CAV3: variants seen among roughly 807,000 people sequenced by gnomAD.
CAV3 encodes caveolin-3.
In CAV3, 10 loss-of-function variants were observed where a neutral mutation model predicts 13.4. The observed-to-expected ratio is 0.75, with a 90% CI of 0.46 to 1.27. The LOEUF (loss-of-function observed/expected upper bound fraction) is 1.27. Among genes scored for constraint, CAV3 ranks in the 50% most tolerant of loss-of-function variants. The pLI is 0.00. For missense variants in CAV3, 162 were observed against 194.0 expected (o/e 0.83, Z 0.98); for synonymous variants, 90 against 79.0 (o/e 1.14, Z -0.74).
intron 1 of CAV3, among the ~76,000 whole-genome samples, chr3:8,741,053 T>C (rs1258216406): frequency 2.6e-5 from 4 of 152,270 alleles, no homozygotes; most frequent in African/African-American, 9.6e-5. Flanking sequence ...AGTTGTATTC[T>C]TTTGTTGCTA....
At chr3:8,741,743 T>C (rs1225939011) in intron 1 of CAV3, among the ~76,000 whole-genome samples, 1 of 152,142 alleles carries the variant, frequency 6.6e-6, no homozygotes, top group Non-Finnish European at 1.5e-5. Context: ...TGCAGGACTC[T>C]GGGGGAGGTA....
intron 1 of CAV3, among the ~76,000 whole-genome samples, chr3:8,735,130 G>C (rs1707706636): frequency 1.3e-5 from 2 of 152,160 alleles, no homozygotes; most frequent in Non-Finnish European, 2.9e-5. Context: ...CCTACTGAAA[G>C]CATTGGAATC....
intron 1 of CAV3, among the ~76,000 whole-genome samples, chr3:8,743,426 C>T (rs1159847480): frequency 6.6e-6 from 1 of 152,114 alleles, no homozygotes; most frequent in Non-Finnish European, 1.5e-5. Flanking sequence ...GGAAGCCCTC[C>T]AAGAAGAAGT....
intron 1 of CAV3, among the ~76,000 whole-genome samples, chr3:8,736,314 T>C (rs1422563231): frequency 6.6e-6 from 1 of 152,202 alleles, no homozygotes; most frequent in Admixed American, 6.5e-5. Context: ...AAAGCAGCAC[T>C]GTGCGTTAGA....
chr3:8,742,751 G>C (rs1708019292), intron 1 of CAV3: 1 of 298,460 alleles, frequency 3.4e-6, no homozygotes, highest in Non-Finnish European at 6.7e-6. Context: ...TGGATGGATG[G>C]ATGAAAGGAT....
rs1424751977 is a variant in CAV3, at chr3:8,745,077, G to C, written c.115-449G>C. On this transcript the variant is annotated intron_variant, in intron 1 of 1. Coordinates refer to ENST00000343849, the MANE Select transcript of CAV3 (RefSeq NM_033337.3). The surrounding 1 kb of genome is among the most constrained non-coding windows in gnomAD (Gnocchi z 4.8). ...AGGTGGGGCCGGGTGGGAGGTGATC[G>C]GATCACAGAGGCAGATCCCTCGTGG... 1 of 169,544 alleles carries C rather than the reference G, an allele frequency of 5.9e-6. No individual in the cohort carries two copies. The highest frequency in any genetic ancestry group is 1.3e-5 in the Non-Finnish European group (1 of 77,528). 10.5% of individuals were successfully genotyped at this position (169,544 alleles called of 1,614,324 possible). A position where few individuals can be genotyped will look rare whatever the true frequency, so the allele number is the denominator to read the frequency against.
Position 8,745,826 on chromosome 3 carries a change from G to A in CAV3, c.415G>A (p.Val139Ile). The change falls in exon 2 of 2, where the codon GTC (valine) becomes ATC (isoleucine). Residue 139 changes from valine (V) to isoleucine (I), a missense_variant. Transcript: ENST00000343849. The surrounding 1 kb of genome is among the most constrained non-coding windows in gnomAD (Gnocchi z 4.8). ...CNPLFAALGQVCSSIKVVLRK... is the reference protein window; with the variant it reads ...CNPLFAALGQICSSIKVVLRK... ...CCCACTCTTCGCGGCCCTGGGCCAG[G>A]TCTGCAGCAGCATCAAGGTGGTGCT... 3.1e-6 allele frequency: 5 copies of A among 1,613,702 alleles called. No individual in the cohort carries two copies. The highest frequency in any genetic ancestry group is 4.2e-6 in the Non-Finnish European group (5 of 1,180,032).
In CAV3 at chr3:8,746,076, C is replaced by T. The variant is rs1235784835; in HGVS notation, c.*209C>T. 3 of 560,712 alleles carry T rather than the reference C, an allele frequency of 5.4e-6. No homozygotes were observed. The highest frequency in any genetic ancestry group is 9.6e-6 in the Non-Finnish European group (3 of 313,578). The allele number at this position is 560,712 out of a possible 1,614,324, so 34.7% of individuals were successfully genotyped here. A position where few individuals can be genotyped will look rare whatever the true frequency, so the allele number is the denominator to read the frequency against. ...GCCCTTCGCTCTCCCCCAGCCCCAC[C>T]ATGATGCCCCCATGCCTGGGCGTGG... On this transcript the variant is annotated 3_prime_UTR_variant, in exon 2 of 2. Coordinates refer to ENST00000343849, the MANE Select transcript of CAV3 (RefSeq NM_033337.3).
At chr3:8,743,437 A>G (rs1179445087) in intron 1 of CAV3, among the ~76,000 whole-genome samples, 1 of 152,166 alleles carries the variant, frequency 6.6e-6, no homozygotes, top group Non-Finnish European at 1.5e-5. Context: ...AAGAAGAAGT[A>G]ACATCCTTCC....
At chr3:8,743,153 GA>G (rs1006312493) in intron 1 of CAV3, among the ~76,000 whole-genome samples, 22 of 152,252 alleles carry the variant, frequency 1.4e-4, no homozygotes, top group African/African-American at 5.3e-4. Context: ...CCGCCCCCAT[GA>G]CCCAAACACC....
intron 1 of CAV3, among the ~76,000 whole-genome samples, chr3:8,735,279 T>C (rs750173275): frequency 2.0e-5 from 3 of 152,216 alleles, no homozygotes; most frequent in Non-Finnish European, 2.9e-5. Flanking sequence ...ATATCTAAAA[T>C]AGTATTATTT....
intron 1 of CAV3, among the ~76,000 whole-genome samples, chr3:8,737,884 A>G (rs1227435089): frequency 6.6e-6 from 1 of 151,930 alleles, no homozygotes; most frequent in Non-Finnish European, 1.5e-5. Context: ...TCCTAGCCCC[A>G]CTACAGGTAT....
intron 1 of CAV3, among the ~76,000 whole-genome samples, chr3:8,744,000 GACTA>G (rs1464065607): frequency 1.3e-5 from 2 of 152,100 alleles, no homozygotes; most frequent in South Asian, 2.1e-4. Context: ...GCGGGAAAGG[GACTA>G]ACTAACCAGG....
chr3:8,736,129 A>G (rs1275634582), intron 1 of CAV3, among the ~76,000 whole-genome samples: 1 of 152,252 alleles, frequency 6.6e-6, no homozygotes, highest in Admixed American at 6.5e-5. Flanking sequence ...CATCAGTGTC[A>G]TCTAGCAGGA....
chr3:8,745,598 A>G lies in CAV3; in HGVS notation c.187A>G (p.Thr63Ala), dbSNP rs116840798. Residue 63 changes from threonine to alanine, a missense_variant, in exon 2 of 2, where the codon ACC (threonine) becomes GCC (alanine). Physicochemically the swap from Thr to Ala is moderately conservative, Grantham distance 58. Coordinates refer to ENST00000343849, the MANE Select transcript of CAV3 (RefSeq NM_033337.3). The surrounding 1 kb of genome is among the most constrained non-coding windows in gnomAD (Gnocchi z 4.8). ...TGACGGCGTGTGGAAGGTGAGCTACACCACCTTCACTGTCTCCAAGTACTG... is the reference window on the plus strand; with the variant it reads ...TGACGGCGTGTGGAAGGTGAGCTACGCCACCTTCACTGTCTCCAAGTACTG... The part of the protein sequence containing the change: ...SFDGVWKVSY[T>A]TFTVSKYWCY... 2 of 1,613,988 alleles carry G rather than the reference A, an allele frequency of 1.2e-6. No individual in the cohort carries two copies. Among genetic ancestry groups the G allele is most frequent in the South Asian group, 1.1e-5 (1 of 91,070 alleles).
Position 8,744,275 on chromosome 3 carries a change from A to ATTTTTT in CAV3, c.115-1235_115-1230dup, listed in dbSNP as rs35889837. On this transcript the variant is annotated intron_variant, in intron 1 of 1. Coordinates refer to ENST00000343849, the MANE Select transcript of CAV3 (RefSeq NM_033337.3). ...CACTGCTGTTTAATTGACCAGTGGA[A>ATTTTTT]TTTTTTTTTTTTTTTTTTTTTGAGA... 8.4e-4 allele frequency among the ~76,000 whole-genome samples: 102 copies of ATTTTTT among 120,840 alleles called. 1 individual carries two copies. The highest frequency in any genetic ancestry group is 3.4e-3 in the African/African-American group (94 of 27,984). 79.3% of individuals were successfully genotyped at this position (120,840 alleles called of 152,430 possible).
chr3:8,742,757 A>G (rs1338343557), intron 1 of CAV3, among the ~76,000 whole-genome samples: 1 of 152,120 alleles, frequency 6.6e-6, no homozygotes, highest in Non-Finnish European at 1.5e-5. Context: ...GATGGATGAA[A>G]GGATGGATGG....
intron 1 of CAV3, among the ~76,000 whole-genome samples, chr3:8,737,943 G>C (rs1419647894): frequency 6.6e-6 from 1 of 152,066 alleles, no homozygotes; most frequent in Non-Finnish European, 1.5e-5. Flanking sequence ...TTATTTCCAA[G>C]AGGGCTTAGG....
chr3:8,738,234 TCC>T (rs1707829211), intron 1 of CAV3, among the ~76,000 whole-genome samples: 1 of 152,110 alleles, frequency 6.6e-6, no homozygotes, highest in Admixed American at 6.5e-5. Flanking sequence ...ATAGATAGGA[TCC>T]CAGCCTCTCC....
Sources: gnomAD v4.1 joint callset for allele counts (sites outside exome capture counted in the v4.1 genomes callset) on GRCh38, gnomAD v4.1.1 for gene constraint, Gnocchi (gnomAD v3.1) non-coding constraint, MANE v1.5 for transcripts, NCBI Gene and HGNC (gene_info 2026-07-23, HGNC 2026-07-21) for gene names.